AKTIP: variants seen among roughly 807,000 people sequenced by gnomAD.
AKTIP encodes the protein AKT interacting protein, also known as AKT-interacting protein.
In AKTIP, 16 loss-of-function variants were observed where a neutral mutation model predicts 39.1. That is an observed-to-expected ratio of 0.41 (90% CI 0.28 to 0.62). The LOEUF (loss-of-function observed/expected upper bound fraction) is 0.62. Ranked by LOEUF, AKTIP falls within the 20% of genes least tolerant of loss-of-function variation. The pLI is 0.32. For synonymous variants in AKTIP, 93 were observed against 124.3 expected (o/e 0.75, Z 1.67); for missense variants, 262 against 356.6 (o/e 0.73, Z 2.14).
intron 1 of AKTIP, among the ~76,000 whole-genome samples, chr16:53,502,225 C>T (rs1962209000): frequency 6.6e-6 from 1 of 152,224 alleles, no homozygotes; most frequent in Admixed American, 6.5e-5. Flanking sequence ...ATGTTTCCAG[C>T]AGCAACATAA....
intron 8 of AKTIP, 141 bp downstream of exon 8, chr16:53,493,997 G>A: frequency 1.6e-6 from 1 of 634,314 alleles, no homozygotes. Flanking sequence ...CAGAAATCGA[G>A]TTGGCACCAA....
intron 2 of AKTIP, among the ~76,000 whole-genome samples, chr16:53,499,719 C>CA (rs1962056954): frequency 6.6e-6 from 1 of 152,096 alleles, no homozygotes; most frequent in African/African-American, 2.4e-5. Context: ...CTCGGCCTCT[C>CA]AAAGTGCTGG....
intron 3 of AKTIP, 79 bp from the exon 4 acceptor site, chr16:53,495,405 G>A (rs545203227): frequency 5.9e-6 from 8 of 1,367,474 alleles, no homozygotes; most frequent in Admixed American, 1.8e-5. Context: ...TTCACTTTGA[G>A]ACAATGAACG....
chr16:53,497,268 C>T (rs775629659), intron 3 of AKTIP, among the ~76,000 whole-genome samples: 3 of 152,184 alleles, frequency 2.0e-5, no homozygotes, highest in African/African-American at 7.2e-5. Flanking sequence ...GCCAGCACTC[C>T]GCACCCTGCT....
At chr16:53,499,240 G>A (rs1306568083) in intron 2 of AKTIP, among the ~76,000 whole-genome samples, 1 of 152,102 alleles carries the variant, frequency 6.6e-6, no homozygotes, top group Non-Finnish European at 1.5e-5. Flanking sequence ...ACAACCAAAC[G>A]CTGTTTAATT....
intron 2 of AKTIP, 30 bp from the exon 3 acceptor site, chr16:53,498,626 G>A: frequency 6.3e-7 from 1 of 1,590,318 alleles, no homozygotes; most frequent in South Asian, 1.1e-5. Flanking sequence ...AAGAATATCT[G>A]TTAGGATGAT....
Position 53,503,112 on chromosome 16 carries a change from G to C in AKTIP, c.-71+35C>G, listed in dbSNP as rs918105614. On this transcript the variant is annotated intron_variant, in intron 1 of 9. Transcript: ENST00000394657. ...CAGATTTACAGACACCTCAGCCCTCGCGTACCCACCAGCCTGCCGGGCAGT... is the reference window on the plus strand; with the variant it reads ...CAGATTTACAGACACCTCAGCCCTCCCGTACCCACCAGCCTGCCGGGCAGT... 4 of 152,552 alleles carry C rather than the reference G, an allele frequency of 2.6e-5. No homozygotes were observed. In the East Asian group the frequency reaches 7.7e-4, roughly 29 times the overall value. The allele number at this position is 152,552 out of a possible 1,614,324, so 9.4% of individuals were successfully genotyped here.
chr16:53,492,384 G>A lies in AKTIP; in HGVS notation c.*28C>T, dbSNP rs367722987. The stretch of plus-strand genomic sequence containing the variant: ...AACTAGGCCAGAGTCTAGCAGGAAA[G>A]TGCATGGTGCACCAGATTCACCATC... On this transcript the variant is annotated 3_prime_UTR_variant, in exon 10 of 10. Transcript: ENST00000394657. The A allele has an allele frequency of 1.9e-6, 3 of 1,591,030 alleles. No homozygotes were observed. The highest frequency in any genetic ancestry group is 2.2e-5 in the South Asian group (2 of 90,466).
intron 1 of AKTIP, among the ~76,000 whole-genome samples, chr16:53,502,433 C>T (rs7189819): frequency 0.32 from 48,325 of 152,134 alleles, 8,227 homozygotes; most frequent in African/African-American, 0.4. Context: ...CTTCAGCCTG[C>T]GCGAATGACA....
rs774604373 is a variant in AKTIP, at chr16:53,498,600, T to C, written c.43-4A>G. 6.2e-7 allele frequency: 1 copy of C among 1,613,660 alleles called. No homozygotes were observed. Among genetic ancestry groups the C allele is most frequent in the Non-Finnish European group, 8.5e-7 (1 of 1,179,534 alleles). ...TCTTCTCTTCACCTTCAGATCGCTA[T>C]ACAAGATGAAGTTGTAAGAATATCT... On this transcript the variant is annotated splice_polypyrimidine_tract_variant and splice_region_variant and intron_variant, in intron 2 of 9. Coordinates refer to ENST00000394657, the MANE Select transcript of AKTIP (RefSeq NM_022476.4).
chr16:53,495,684 T>C (rs1961788525), intron 3 of AKTIP, among the ~76,000 whole-genome samples: 1 of 152,240 alleles, frequency 6.6e-6, no homozygotes, highest in Non-Finnish European at 1.5e-5. Context: ...TTCCGAATAA[T>C]GCAACCTGAG....
chr16:53,495,449 C>T (rs1249222491), intron 3 of AKTIP, 123 bp from the exon 4 acceptor site: 2 of 847,900 alleles, frequency 2.4e-6, no homozygotes, highest in Non-Finnish European at 3.8e-6. Flanking sequence ...CCAAACCCTG[C>T]AAGCCAAGTT....
intron 2 of AKTIP, 149 bp from the exon 3 acceptor site, chr16:53,498,745 C>A (rs1961992065): frequency 1.3e-6 from 1 of 769,742 alleles, no homozygotes; most frequent in Non-Finnish European, 2.1e-6. Flanking sequence ...GTCCTTTGGG[C>A]AGGCAGGTCA....
At chr16:53,501,030 T>G (rs976695037) in intron 1 of AKTIP, 2 of 152,120 alleles carry the variant, frequency 1.3e-5, no homozygotes, top group Admixed American at 1.3e-4. Flanking sequence ...TACACATAAG[T>G]TGTATCACTG....
At chr16:53,494,480 G>T (rs1378676019) in intron 6 of AKTIP, 37 bp downstream of exon 6, 7 of 1,613,496 alleles carry the variant, frequency 4.3e-6, no homozygotes, top group Non-Finnish European at 5.9e-6. Flanking sequence ...TCCTCTTGCT[G>T]TATTATGTCA....
In AKTIP at chr16:53,498,560, C is replaced by T. The variant is rs776539900; in HGVS notation, c.79G>A (p.Val27Met). The T allele has an allele frequency of 7.4e-6, 12 of 1,614,090 alleles. No individual in the cohort carries two copies. The East Asian group carries it at 8.9e-5, about 12-fold the overall frequency. The change falls in exon 3 of 10, where the codon GTG becomes ATG. Residue 27 changes from valine (V) to methionine (M), a missense_variant. This residue lies in a region of AKTIP where 88 missense variants were observed against 132.1 expected (regional missense o/e 0.67). Transcript: ENST00000394657. ...EGEEKTLTGD[V>M]KTSPPRTAPK... Reference sequence around the variant, plus strand: ...GCAGTTCGTGGAGGACTGGTTTTCACGTCCCCTGTTAATGTCTTCTCTTCA... The same window carrying T: ...GCAGTTCGTGGAGGACTGGTTTTCATGTCCCCTGTTAATGTCTTCTCTTCA...
intron 3 of AKTIP, among the ~76,000 whole-genome samples, chr16:53,495,651 C>G (rs7202060): frequency 0.025 from 3,838 of 152,288 alleles, 163 homozygotes; most frequent in African/African-American, 0.088. Flanking sequence ...AAAACATCAT[C>G]TTGGAAACCA....
At position 53,494,339 on chromosome 16, in the gene AKTIP, A is replaced by T; in HGVS notation, c.602T>A (p.Leu201Gln). The change falls in exon 7 of 10, where the codon CTG becomes CAG. Residue 201 changes from leucine to glutamine, a missense_variant and splice_region_variant. Physicochemically the swap from Leu to Gln is moderately radical, Grantham distance 113. Coordinates refer to ENST00000394657, the MANE Select transcript of AKTIP (RefSeq NM_022476.4). ...AAATAACAAAGCAAAAGTTACATACAGTACTGCAGCCTCTGGGTTCAGGGG... is the reference window on the plus strand; with the variant it reads ...AAATAACAAAGCAAAAGTTACATACTGTACTGCAGCCTCTGGGTTCAGGGG... Reference protein sequence around the residue: ...ASPLNPEAAVLYEKDIQLFKS... With the variant: ...ASPLNPEAAVQYEKDIQLFKS... 6.2e-7 allele frequency: 1 copy of T among 1,614,066 alleles called. No homozygotes were observed. Among genetic ancestry groups the T allele is most frequent in the Non-Finnish European group, 8.5e-7 (1 of 1,179,908 alleles).
chr16:53,496,344 T>C (rs905482866), intron 3 of AKTIP, among the ~76,000 whole-genome samples: 2 of 152,076 alleles, frequency 1.3e-5, no homozygotes, highest in African/African-American at 2.4e-5. Context: ...TCCAACTCAC[T>C]GCCCAGCCTC....
Sources: allele counts gnomAD v4.1 joint callset (sites outside exome capture counted in the v4.1 genomes callset), GRCh38; gene constraint gnomAD v4.1.1; regional missense constraint gnomAD v4.1.1; transcripts MANE v1.5; gene names NCBI Gene and HGNC (gene_info 2026-07-23, HGNC 2026-07-21).